The following ZDHHC14 variants were observed in gnomAD, a reference collection of about 807,000 sequenced individuals.
The protein encoded by ZDHHC14 is zDHHC palmitoyltransferase 14, also known as palmitoyltransferase ZDHHC14.
In ZDHHC14, 16 loss-of-function variants were observed where a neutral mutation model predicts 47.7. The ratio of observed to expected loss-of-function variants is 0.34; its 90% CI spans 0.23 to 0.51. The LOEUF is 0.51. Ranked by LOEUF, ZDHHC14 falls within the 20% of genes least tolerant of loss-of-function variation. The pLI is 0.97. For synonymous variants in ZDHHC14, 293 were observed against 278.9 expected (o/e 1.05, Z -0.50); for missense variants, 515 against 662.5 (o/e 0.78, Z 2.44).
chr6:157,592,594 A>T (rs1202875073), intron 2 of ZDHHC14, among the ~76,000 whole-genome samples: 2 of 152,216 alleles, frequency 1.3e-5, no homozygotes, highest in African/African-American at 4.8e-5. Context: ...GCAGGCGGGA[A>T]GAGGTCAGGG....
chr6:157,454,716 A>T (rs1157808256), intron 1 of ZDHHC14, among the ~76,000 whole-genome samples: 2 of 152,158 alleles, frequency 1.3e-5, no homozygotes, highest in African/African-American at 4.8e-5. Flanking sequence ...GAGCAAATAG[A>T]TATAAATGCT....
chr6:157,531,260 C>T (rs926585204), intron 1 of ZDHHC14, among the ~76,000 whole-genome samples: 1 of 148,070 alleles, frequency 6.8e-6, no homozygotes, highest in Non-Finnish European at 1.5e-5. Context: ...ACTGGGGATG[C>T]CACAGTGACT....
intron 1 of ZDHHC14, among the ~76,000 whole-genome samples, chr6:157,465,088 GT>G (rs1296335554): frequency 1.0e-5 from 1 of 98,766 alleles, no homozygotes; most frequent in African/African-American, 4.1e-5. Context: ...AAAGCAGCGT[GT>G]TTTTTTCTCT....
chr6:157,397,429 C>T (rs1302213006), intron 1 of ZDHHC14, among the ~76,000 whole-genome samples: 1 of 152,182 alleles, frequency 6.6e-6, no homozygotes, highest in Non-Finnish European at 1.5e-5. Flanking sequence ...GGGAAATTCT[C>T]TTTCCTTGCC....
intron 2 of ZDHHC14, among the ~76,000 whole-genome samples, chr6:157,585,927 G>A (rs974100997): frequency 7.9e-5 from 12 of 152,218 alleles, no homozygotes; most frequent in African/African-American, 2.4e-4. Context: ...TGCAGCACTT[G>A]AGGGCCTGTG....
chr6:157,663,625 T>G (rs1161064923), intron 8 of ZDHHC14, among the ~76,000 whole-genome samples: 1 of 152,206 alleles, frequency 6.6e-6, no homozygotes, highest in African/African-American at 2.4e-5. Flanking sequence ...GCCTTTCTGT[T>G]GCTTTGGTTC....
chr6:157,669,728 C>T (rs1778708041), intron 8 of ZDHHC14, among the ~76,000 whole-genome samples: 1 of 152,238 alleles, frequency 6.6e-6, no homozygotes, highest in Non-Finnish European at 1.5e-5. Flanking sequence ...TGAGTGAGGG[C>T]TCCAGAGGGG....
intron 1 of ZDHHC14, among the ~76,000 whole-genome samples, chr6:157,538,026 A>G (rs144443790): frequency 0.012 from 1,808 of 152,338 alleles, 13 homozygotes; most frequent in Middle Eastern, 0.041. Flanking sequence ...AAGGTGTCTC[A>G]GTAGCCCTGA....
Position 157,673,708 on chromosome 6 carries a change from T to G in ZDHHC14, c.*586T>G, listed in dbSNP as rs561923436. 2 of 152,966 alleles carry G rather than the reference T, an allele frequency of 1.3e-5. No individual in the cohort carries two copies. Among genetic ancestry groups the G allele is most frequent in the African/African-American group, 4.8e-5 (2 of 41,564 alleles). 9.5% of individuals were successfully genotyped at this position (152,966 alleles called of 1,614,324 possible). A position where few individuals can be genotyped will look rare whatever the true frequency, so the allele number is the denominator to read the frequency against. On this transcript the variant is annotated 3_prime_UTR_variant, in exon 9 of 9. Coordinates refer to ENST00000359775, the MANE Select transcript of ZDHHC14 (RefSeq NM_024630.3). The surrounding 1 kb of genome is among the most constrained non-coding windows in gnomAD (Gnocchi z 5.4). ...GGAAGACAGTGCAACGAACTGAGAC[T>G]AATGGACAGTGTCATCACTCAGCTT...
rs1284339064 is a variant in ZDHHC14 at position 157,622,305 on chromosome 6, C to T, written c.566-6044C>T. Among the ~76,000 whole-genome samples, 10 of 151,726 alleles carry T rather than the reference C, an allele frequency of 6.6e-5. No homozygotes were observed. In the South Asian group the frequency reaches 8.4e-4, roughly 13 times the overall value. On this transcript the variant is annotated intron_variant, in intron 3 of 8. Coordinates refer to ENST00000359775, the MANE Select transcript of ZDHHC14 (RefSeq NM_024630.3). ...CTCGGGAGGCTGAGGCAGGAGATAT[C>T]GCTTGAACCCGGGAGGCAGAGGCTG...
intron 1 of ZDHHC14, among the ~76,000 whole-genome samples, chr6:157,411,833 A>G (rs1055137290): frequency 4.6e-5 from 7 of 151,758 alleles, no homozygotes; most frequent in Admixed American, 3.3e-4. Flanking sequence ...GTCATTAGAT[A>G]TGTGTGCAAT....
At chr6:157,466,151 A>G (rs1355362187) in intron 1 of ZDHHC14, among the ~76,000 whole-genome samples, 1 of 152,174 alleles carries the variant, frequency 6.6e-6, no homozygotes, top group African/African-American at 2.4e-5. Context: ...TGCCTCTCTG[A>G]GCGCACTCAT....
intron 1 of ZDHHC14, among the ~76,000 whole-genome samples, chr6:157,423,562 G>A (rs984125944): frequency 3.9e-5 from 6 of 152,214 alleles, no homozygotes; most frequent in Non-Finnish European, 4.4e-5. Flanking sequence ...GATTTTCCAG[G>A]TATGAATTTT....
chr6:157,575,317 G>A (rs1783264706), intron 2 of ZDHHC14, among the ~76,000 whole-genome samples: 1 of 152,196 alleles, frequency 6.6e-6, no homozygotes, highest in African/African-American at 2.4e-5. Flanking sequence ...ATTTAGACTG[G>A]TGGTTGACCG....
chr6:157,646,899 G>GTCTGTAAA (rs1367580525), intron 6 of ZDHHC14, among the ~76,000 whole-genome samples: 3 of 152,158 alleles, frequency 2.0e-5, no homozygotes, highest in South Asian at 2.1e-4. Context: ...AATTATTTCA[G>GTCTGTAAA]TCTGTAAATT....
At chr6:157,477,658 C>T (rs1256071678) in intron 1 of ZDHHC14, among the ~76,000 whole-genome samples, 1 of 152,076 alleles carries the variant, frequency 6.6e-6, no homozygotes, top group Admixed American at 6.5e-5. Context: ...GCTAAACAGT[C>T]CTTATTAAGC....
rs568745614 is a variant in ZDHHC14 at position 157,612,670 on chromosome 6, A to G, written c.566-15679A>G. Among the ~76,000 whole-genome samples the G allele has an allele frequency of 7.2e-5, 11 of 152,310 alleles. No individual in the cohort carries two copies. In the South Asian group the frequency reaches 2.1e-3, roughly 29 times the overall value. On this transcript the variant is annotated intron_variant, in intron 3 of 8. Coordinates refer to ENST00000359775, the MANE Select transcript of ZDHHC14 (RefSeq NM_024630.3). ...ACAGTTGGGTAAGCTTCAAGAGGCCAGGCCTGTGTCAGTTTCCCTTACTGT... is the reference window on the plus strand; with the variant it reads ...ACAGTTGGGTAAGCTTCAAGAGGCCGGGCCTGTGTCAGTTTCCCTTACTGT...
rs971282001 is a variant in ZDHHC14, at chr6:157,582,490, A to G, written c.407-10498A>G. On this transcript the variant is annotated intron_variant, in intron 2 of 8. Coordinates refer to ENST00000359775, the MANE Select transcript of ZDHHC14 (RefSeq NM_024630.3). This position sits in a 1 kb window ranked among gnomAD's most constrained non-coding sequence, Gnocchi z 4.3. ...GATCTTACTTATCCCTCATTTATGAAGCTTAGTTTGGCCGGATATGAAATT... is the reference window on the plus strand; with the variant it reads ...GATCTTACTTATCCCTCATTTATGAGGCTTAGTTTGGCCGGATATGAAATT... Among the ~76,000 whole-genome samples, 2 of 152,182 alleles carry G rather than the reference A, an allele frequency of 1.3e-5. No homozygotes were observed. Among genetic ancestry groups the G allele is most frequent in the African/African-American group, 4.8e-5 (2 of 41,430 alleles).
intron 1 of ZDHHC14, among the ~76,000 whole-genome samples, chr6:157,415,649 C>T (rs778057215): frequency 1.4e-4 from 21 of 151,972 alleles, no homozygotes; most frequent in Non-Finnish European, 2.9e-4. Flanking sequence ...CCAAGGTGGG[C>T]GGATCACTTG....
Sources: gnomAD v4.1 joint callset for allele counts (sites outside exome capture counted in the v4.1 genomes callset) on GRCh38, gnomAD v4.1.1 for gene constraint, Gnocchi (gnomAD v3.1) non-coding constraint, MANE v1.5 for transcripts, NCBI Gene and HGNC (gene_info 2026-07-23, HGNC 2026-07-21) for gene names.